CD36: variants seen among roughly 807,000 people sequenced by gnomAD.
CD36 encodes CD36 molecule (CD36 blood group), also known as platelet glycoprotein 4.
CD36 carries 119 observed loss-of-function variants against 55.2 expected under a neutral mutation model. The observed-to-expected ratio is 2.15, with a 90% CI of 1.86 to 2.51. The LOEUF (loss-of-function observed/expected upper bound fraction) is 2.51, where lower values mean the gene tolerates loss of function less well. Ranked by LOEUF, CD36 falls within the 30% of genes most tolerant of loss-of-function variation. The pLI is 0.00. For synonymous variants in CD36, 186 were observed against 193.6 expected, an observed-to-expected ratio of 0.96 and a Z score of 0.33; for missense variants, 819 against 555.5, an observed-to-expected ratio of 1.47 and a Z score of -4.77.
At chr7:80,667,172 A>G (rs1797169226) in intron 8 of CD36, among the ~76,000 whole-genome samples, 1 of 152,186 alleles carries the variant, frequency 6.6e-6, no homozygotes. Context: ...TCATGTCTAT[A>G]ATCCCAGCAC....
intron 1 of CD36, among the ~76,000 whole-genome samples, chr7:80,629,516 G>T (rs73378947): frequency 1.4e-4 from 22 of 151,896 alleles, no homozygotes; most frequent in African/African-American, 4.8e-4. Flanking sequence ...AGAAACTTTC[G>T]AATCTTTCCC....
At chr7:80,608,621 A>G (rs1443036634) in intron 1 of CD36, among the ~76,000 whole-genome samples, 3 of 152,238 alleles carry the variant, frequency 2.0e-5, no homozygotes, top group Non-Finnish European at 4.4e-5. Context: ...ACAAATGAGT[A>G]AACAGACTTG....
chr7:80,671,961 C>CAAGT lies in CD36; in HGVS notation c.1047_1050dup (p.Pro351LysfsTer3). The CAAGT allele has an allele frequency of 6.2e-7, 1 of 1,610,326 alleles. No homozygotes were observed. Among genetic ancestry groups the CAAGT allele is most frequent in the Non-Finnish European group, 8.5e-7 (1 of 1,177,208 alleles). ...ATTTCACTTCCTCATTTTCTGTATG[C>CAAGT]AAGTCCTGATGTTTCAGAACCTATT... is the stretch of plus-strand genomic sequence containing the variant. On this transcript the variant is annotated frameshift_variant, in exon 11 of 15. Transcript: ENST00000447544. LOFTEE classifies it high-confidence loss of function.
intron 8 of CD36, among the ~76,000 whole-genome samples, chr7:80,667,774 A>G (rs1429405344): frequency 7.4e-5 from 4 of 54,250 alleles, no homozygotes; most frequent in Admixed American, 1.7e-4. Flanking sequence ...TTTTTGAGAC[A>G]TAGTCTGGCT....
chr7:80,665,348 A>AAAAG (rs925115612), intron 7 of CD36, among the ~76,000 whole-genome samples: 1 of 150,060 alleles, frequency 6.7e-6, no homozygotes, highest in African/African-American at 2.4e-5. Context: ...TTTTTTCTGA[A>AAAAG]AAAGAATAAA....
intron 1 of CD36, among the ~76,000 whole-genome samples, chr7:80,631,264 C>T (rs149031385): frequency 2.2e-3 from 342 of 152,112 alleles, no homozygotes; most frequent in Middle Eastern, 0.01. Context: ...TCGTTGTTTG[C>T]TGGAGAACAA....
chr7:80,605,002 C>A (rs1355771074), intron 1 of CD36, among the ~76,000 whole-genome samples: 1 of 152,092 alleles, frequency 6.6e-6, no homozygotes, highest in Non-Finnish European at 1.5e-5. Context: ...AGATCTACTT[C>A]TTGTATCTCA....
intron 5 of CD36, among the ~76,000 whole-genome samples, chr7:80,662,156 A>G (rs1346113633): frequency 6.6e-6 from 1 of 152,220 alleles, no homozygotes; most frequent in Non-Finnish European, 1.5e-5. Context: ...TCCACAGCAC[A>G]TCCTAATTCT....
chr7:80,645,876 C>T (rs893948193), intron 1 of CD36, among the ~76,000 whole-genome samples: 1 of 152,046 alleles, frequency 6.6e-6, no homozygotes, highest in African/African-American at 2.4e-5. Flanking sequence ...TATCCAAAGT[C>T]ATCAATAAAA....
chr7:80,667,754 T>TTTTTTTTTTG (rs1797252879), intron 8 of CD36, among the ~76,000 whole-genome samples: 2 of 128,724 alleles, frequency 1.6e-5, no homozygotes. Flanking sequence ...TTTGTTTTTT[T>TTTTTTTTTTG]TTTTTTTTTT....
At chr7:80,621,116 T>C (rs185133995) in intron 1 of CD36, among the ~76,000 whole-genome samples, 1 of 152,310 alleles carries the variant, frequency 6.6e-6, no homozygotes, top group Admixed American at 6.5e-5. Context: ...CCAGGCAAGA[T>C]TCTCTACCAG....
intron 1 of CD36, among the ~76,000 whole-genome samples, chr7:80,614,837 A>G (rs1793060839): frequency 6.6e-6 from 1 of 152,156 alleles, no homozygotes; most frequent in Non-Finnish European, 1.5e-5. Context: ...TTGTCGCTTC[A>G]ACGAATGCCA....
chr7:80,608,818 CCTAA>C (rs748935579), intron 1 of CD36, among the ~76,000 whole-genome samples: 9 of 152,126 alleles, frequency 5.9e-5, no homozygotes, highest in Middle Eastern at 3.2e-3. Flanking sequence ...TTCCTCTCTA[CCTAA>C]CTAATTAGTC....
chr7:80,661,332 A>T (rs1796513137), intron 5 of CD36, 122 bp downstream of exon 5: 4 of 955,022 alleles, frequency 4.2e-6, no homozygotes, highest in South Asian at 1.4e-5. Flanking sequence ...GTATTCCTAT[A>T]TCATTATTTT....
In CD36 at chr7:80,677,637, CA is replaced by C; in HGVS notation, c.*1255del. ...TCCAAGATATTAATATGTAAGATAA[CA>C]TTGTAGACATGTTCTTCTGATAATA... On this transcript the variant is annotated 3_prime_UTR_variant, in exon 15 of 15. Coordinates refer to ENST00000447544, the MANE Select transcript of CD36 (RefSeq NM_001001548.3). 6.6e-6 allele frequency: 1 copy of C among 152,232 alleles called. No individual in the cohort carries two copies. The highest frequency in any genetic ancestry group is 1.9e-4 in the East Asian group (1 of 5,174). The allele number at this position is 152,232 out of a possible 1,614,324, so 9.4% of individuals were successfully genotyped here. A position where few individuals can be genotyped will look rare whatever the true frequency, so the allele number is the denominator to read the frequency against.
rs145857280 is a variant in CD36, at chr7:80,620,156, G to A, written c.-184+17777G>A. 3.9e-5 allele frequency among the ~76,000 whole-genome samples: 6 copies of A among 152,104 alleles called. No homozygotes were observed. The East Asian group carries it at 5.8e-4, about 15-fold the overall frequency. On this transcript the variant is annotated intron_variant, in intron 1 of 13. Coordinates refer to the CD36 transcript ENST00000309881. ...AACAATCATCACAAAAGCAGAGTTC[G>A]ATGACAAGAAGTGTGGGGGTTTTCC...
At chr7:80,618,431 A>G (rs757531474) in intron 1 of CD36, among the ~76,000 whole-genome samples, 1 of 152,170 alleles carries the variant, frequency 6.6e-6, no homozygotes, top group African/African-American at 2.4e-5. Context: ...TCTTTAAATA[A>G]AAAAACTAGA....
Position 80,675,018 on chromosome 7 carries a change from G to A in CD36, c.*871G>A, listed in dbSNP as rs3211959. Among the ~76,000 whole-genome samples the A allele has an allele frequency of 5.9e-3, 902 of 152,134 alleles. 7 individuals carry two copies. Among genetic ancestry groups the A allele is most frequent in the African/African-American group, 0.02 (851 of 41,534 alleles). On this transcript the variant is annotated intron_variant, in intron 14 of 14. Coordinates refer to ENST00000447544, the MANE Select transcript of CD36 (RefSeq NM_001001548.3). ...ATGAAATCATACATTTTAATTGTTT[G>A]TGACCAAAGCATAAATCAGTGAAAG...
intron 13 of CD36, chr7:80,673,628 T>C: frequency 3.5e-6 from 2 of 565,104 alleles, no homozygotes; most frequent in South Asian, 2.3e-5. Flanking sequence ...TTAAACACAT[T>C]TTCTTGTTGT....
Sources: allele counts gnomAD v4.1 joint callset (sites outside exome capture counted in the v4.1 genomes callset), GRCh38; gene constraint gnomAD v4.1.1; transcripts MANE v1.5; gene names NCBI Gene and HGNC (gene_info 2026-07-23, HGNC 2026-07-21).